The following PPARD variants were observed in gnomAD, a reference collection of about 807,000 sequenced individuals.
PPARD encodes peroxisome proliferator activated receptor delta, also known as peroxisome proliferator-activated receptor delta.
Under a neutral mutation model 39.5 loss-of-function variants are expected in PPARD, and 6 were observed. The ratio of observed to expected loss-of-function variants is 0.15; its 90% CI spans 0.08 to 0.30. The LOEUF (loss-of-function observed/expected upper bound fraction) is 0.30. Among genes scored for constraint, PPARD ranks in the 10% least tolerant of loss-of-function variants. The pLI is 1.00. For missense variants in PPARD, 397 were observed against 596.8 expected (o/e 0.67, Z 3.49); for synonymous variants, 210 against 231.3 (o/e 0.91, Z 0.83).
In PPARD at chr6:35,424,230, C is replaced by T. The variant is rs1437465520; in HGVS notation, c.627+82C>T. ...CCTGCCTGACTCCGGGAGAGCCAGG[C>T]CTTCTCCCTCCCTCAACTTCATGGT... On this transcript the variant is annotated intron_variant, in intron 6 of 7. Coordinates refer to ENST00000360694, the MANE Select transcript of PPARD (RefSeq NM_006238.5). The surrounding 1 kb of genome is among the most constrained non-coding windows in gnomAD (Gnocchi z 7.1). 1.3e-6 allele frequency: 2 copies of T among 1,589,988 alleles called. No homozygotes were observed. Among genetic ancestry groups the T allele is most frequent in the African/African-American group, 2.7e-5 (2 of 74,444 alleles).
chr6:35,363,661 C>A lies in PPARD; in HGVS notation c.-102+16511C>A, dbSNP rs1046609453. Among the ~76,000 whole-genome samples, 1 of 151,814 alleles carries A rather than the reference C, an allele frequency of 6.6e-6. No homozygotes were observed. Among genetic ancestry groups the A allele is most frequent in the Admixed American group, 6.6e-5 (1 of 15,236 alleles). The stretch of plus-strand genomic sequence containing the variant: ...CCAAGAGTCAGAAAGTGGGAAGTCA[C>A]GGGGGAGATGAAGGGCGAGTGAGCA... On this transcript the variant is annotated intron_variant, in intron 2 of 7. Transcript: ENST00000360694. The surrounding 1 kb of genome is among the most constrained non-coding windows in gnomAD (Gnocchi z 4.5).
intron 3 of PPARD, among the ~76,000 whole-genome samples, 159 bp from the exon 4 acceptor site, chr6:35,419,968 A>AC (rs1273272868): frequency 6.6e-6 from 1 of 152,114 alleles, no homozygotes; most frequent in Non-Finnish European, 1.5e-5. Flanking sequence ...AGCTGTCAGT[A>AC]CCCCCTGTTC....
chr6:35,424,193 G>A lies in PPARD; in HGVS notation c.627+45G>A. ...GGCCTGGCAGCATCCTGGGCTCTGG[G>A]TCCCACTGCCGCCTGCCTGACTCCG... On this transcript the variant is annotated intron_variant, in intron 6 of 7. Coordinates refer to ENST00000360694, the MANE Select transcript of PPARD (RefSeq NM_006238.5). The surrounding 1 kb of genome is among the most constrained non-coding windows in gnomAD (Gnocchi z 7.1). The A allele has an allele frequency of 6.2e-7, 1 of 1,606,334 alleles. No individual in the cohort carries two copies. Among genetic ancestry groups the A allele is most frequent in the Non-Finnish European group, 8.5e-7 (1 of 1,176,964 alleles).
intron 2 of PPARD, among the ~76,000 whole-genome samples, chr6:35,380,476 G>GTTT (rs71002557): frequency 0.018 from 1,197 of 66,894 alleles, 10 homozygotes; most frequent in Non-Finnish European, 0.026. Flanking sequence ...TTTTTTGTTT[G>GTTT]TTTTTTTTTT....
At chr6:35,383,891 A>G (rs1763336014) in intron 2 of PPARD, among the ~76,000 whole-genome samples, 1 of 140,568 alleles carries the variant, frequency 7.1e-6, no homozygotes, top group African/African-American at 3.0e-5. Flanking sequence ...CCGTCTGGGA[A>G]GTGAGGAGCG....
At chr6:35,370,146 AC>A (rs1762404956) in intron 2 of PPARD, among the ~76,000 whole-genome samples, 1 of 152,190 alleles carries the variant, frequency 6.6e-6, no homozygotes, top group African/African-American at 2.4e-5. Flanking sequence ...TGACCTGTCA[AC>A]CAGTTAGTTT....
At chr6:35,349,940 T>A (rs1233473689) in intron 2 of PPARD, among the ~76,000 whole-genome samples, 6 of 151,920 alleles carry the variant, frequency 3.9e-5, no homozygotes, top group Admixed American at 3.9e-4. Flanking sequence ...TGGGGTTTTG[T>A]CATGTTGGCC....
chr6:35,407,813 G>A, intron 2 of PPARD, among the ~76,000 whole-genome samples: 1 of 146,100 alleles, frequency 6.8e-6, no homozygotes, highest in African/African-American at 2.5e-5. Flanking sequence ...AAAAAAAAAA[G>A]CTGACTAATG....
Position 35,366,512 on chromosome 6 carries a change from A to G in PPARD, c.-102+19362A>G, listed in dbSNP as rs181759567. ...CAGAGGCCTAGATTAGGAGATGGCTATAGTAGTACAGGTGAGAAATTCCTG... is the reference window on the plus strand; with the variant it reads ...CAGAGGCCTAGATTAGGAGATGGCTGTAGTAGTACAGGTGAGAAATTCCTG... On this transcript the variant is annotated intron_variant, in intron 2 of 7. Coordinates refer to ENST00000360694, the MANE Select transcript of PPARD (RefSeq NM_006238.5). This position sits in a 1 kb window ranked among gnomAD's most constrained non-coding sequence, Gnocchi z 4.6. Among the ~76,000 whole-genome samples the G allele has an allele frequency of 5.8e-4, 88 of 151,742 alleles. No homozygotes were observed. Among genetic ancestry groups the G allele is most frequent in the Admixed American group, 1.2e-3 (18 of 15,292 alleles).
intron 2 of PPARD, among the ~76,000 whole-genome samples, chr6:35,404,772 C>T (rs957062859): frequency 1.3e-4 from 20 of 152,212 alleles, no homozygotes; most frequent in Non-Finnish European, 5.9e-5. Context: ...CTCTCTAGAG[C>T]TCTGGGCCAT....
intron 2 of PPARD, among the ~76,000 whole-genome samples, chr6:35,361,691 T>A (rs1761935283): frequency 6.6e-6 from 1 of 152,124 alleles, no homozygotes; most frequent in Admixed American, 6.5e-5. Flanking sequence ...GGCAGGGCAG[T>A]GCAGCGAGGA....
At chr6:35,404,183 C>G (rs1188782760) in intron 2 of PPARD, among the ~76,000 whole-genome samples, 2 of 152,194 alleles carry the variant, frequency 1.3e-5, no homozygotes, top group African/African-American at 4.8e-5. Context: ...GTGGCTAAGA[C>G]TTGAGCCAAC....
At chr6:35,378,836 G>A (rs1762965343) in intron 2 of PPARD, among the ~76,000 whole-genome samples, 1 of 152,188 alleles carries the variant, frequency 6.6e-6, no homozygotes, top group Non-Finnish European at 1.5e-5. Flanking sequence ...TAGGTCCGGG[G>A]CAGAGCTTAA....
intron 3 of PPARD, among the ~76,000 whole-genome samples, chr6:35,414,267 A>C (rs1022200065): frequency 1.3e-5 from 2 of 152,200 alleles, no homozygotes; most frequent in Non-Finnish European, 2.9e-5. Context: ...TATGTTTCAT[A>C]GAAGGCACCG....
At position 35,420,196 on chromosome 6, in the gene PPARD, G is replaced by T. The variant is rs565306713; in HGVS notation, c.200G>T (p.Cys67Phe). The change falls in exon 4 of 8, where the codon TGC (cysteine) becomes TTC (phenylalanine). Residue 67 changes from cysteine (C) to phenylalanine (F), a missense_variant. Transcript: ENST00000360694. ...QLQMGCDGAS[C>F]GSLNMECRVC... ...CAGATGGGCTGTGACGGGGCCTCAT[G>T]CGGCAGCCTCAACATGGAGTGCCGG... The T allele has an allele frequency of 6.2e-7, 1 of 1,613,246 alleles. No homozygotes were observed. The highest frequency in any genetic ancestry group is 1.3e-5 in the African/African-American group (1 of 74,990).
intron 2 of PPARD, among the ~76,000 whole-genome samples, chr6:35,365,282 C>G (rs1762151207): frequency 6.7e-6 from 1 of 149,918 alleles, no homozygotes; most frequent in Non-Finnish European, 1.5e-5. Flanking sequence ...CAGGTGCTTG[C>G]CACCACACCC....
intron 2 of PPARD, among the ~76,000 whole-genome samples, chr6:35,409,418 T>G (rs1317690525): frequency 6.6e-6 from 1 of 151,636 alleles, no homozygotes; most frequent in African/African-American, 2.4e-5. Context: ...GGTGGGAGGA[T>G]CCCTTGAGCA....
chr6:35,389,182 T>G (rs543688346), intron 2 of PPARD, among the ~76,000 whole-genome samples: 2 of 152,162 alleles, frequency 1.3e-5, no homozygotes, highest in South Asian at 4.1e-4. Context: ...CAAGACCCTG[T>G]CTCAAAAAAA....
At chr6:35,398,697 C>CT (rs1421861097) in intron 2 of PPARD, among the ~76,000 whole-genome samples, 42 of 152,154 alleles carry the variant, frequency 2.8e-4, no homozygotes, top group Admixed American at 1.8e-3. Context: ...CAGAGCAAAA[C>CT]CTGGGAGGAA....
Sources: gnomAD v4.1 joint callset for allele counts (sites outside exome capture counted in the v4.1 genomes callset) on GRCh38, gnomAD v4.1.1 for gene constraint, Gnocchi (gnomAD v3.1) non-coding constraint, MANE v1.5 for transcripts, NCBI Gene and HGNC (gene_info 2026-07-23, HGNC 2026-07-21) for gene names.